The following NUP153 variants were observed in gnomAD, a reference collection of about 807,000 sequenced individuals.
NUP153 encodes nuclear pore complex protein Nup153.
In NUP153, 27 loss-of-function variants were observed where a neutral mutation model predicts 134.6. The ratio of observed to expected loss-of-function variants is 0.20; its 90% confidence interval spans 0.15 to 0.28. The LOEUF is 0.28. NUP153 is among the 10% of genes least tolerant of loss of function. The pLI is 1.00. For synonymous variants in NUP153, 640 were observed against 623.5 expected, an observed-to-expected ratio of 1.03 and a Z score of -0.40; for missense variants, 1,821 against 1,731.3, an observed-to-expected ratio of 1.05 and a Z score of -0.92.
Position 17,624,763 on chromosome 6 carries a change from G to T in NUP153, c.3972C>A (p.Thr1324=). 1 of 1,614,146 alleles carries T rather than the reference G, an allele frequency of 6.2e-7. No individual in the cohort carries two copies. The highest frequency in any genetic ancestry group is 8.5e-7 in the Non-Finnish European group (1 of 1,180,010). The part of the protein sequence containing the change: ...SASPAFGANQ[T]PTFGQSQGAS... ...CACCTTGACTTTGTCCAAATGTTGG[G>T]GTCTGGTTAGCACCAAATGCTGGAC... The change falls in exon 20 of 22, where the codon ACC becomes ACA. Residue 1324 remains threonine, a synonymous_variant. Transcript: ENST00000262077.
At chr6:17,620,409 A>G (rs1386759653) in intron 20 of NUP153, among the ~76,000 whole-genome samples, 1 of 152,230 alleles carries the variant, frequency 6.6e-6, no homozygotes, top group Non-Finnish European at 1.5e-5. Context: ...TACTCTCTTC[A>G]GTAAATGGTG....
At chr6:17,635,104 C>CTTTTTTTT (rs59700511) in intron 16 of NUP153, among the ~76,000 whole-genome samples, 3 of 104,262 alleles carry the variant, frequency 2.9e-5, no homozygotes, top group African/African-American at 3.9e-5. Context: ...CTTGGCTTAT[C>CTTTTTTTT]TTTTTTTTTT....
chr6:17,670,427 C>T (rs1767833195), intron 5 of NUP153, among the ~76,000 whole-genome samples: 1 of 152,032 alleles, frequency 6.6e-6, no homozygotes, highest in African/African-American at 2.4e-5. Context: ...GTTGTGGTGG[C>T]TTTTTTTGTA....
chr6:17,660,974 C>G (rs936284630), intron 11 of NUP153, among the ~76,000 whole-genome samples: 2 of 152,060 alleles, frequency 1.3e-5, no homozygotes, highest in Non-Finnish European at 2.9e-5. Flanking sequence ...AAAAAACTTA[C>G]AGTTACCTTT....
intron 11 of NUP153, among the ~76,000 whole-genome samples, chr6:17,656,022 T>C (rs1055789287): frequency 2.6e-5 from 4 of 152,092 alleles, no homozygotes; most frequent in Non-Finnish European, 5.9e-5. Flanking sequence ...CTGGCCAACA[T>C]GGTGAAACCC....
intron 8 of NUP153, 119 bp from the exon 9 acceptor site, chr6:17,665,504 A>C: frequency 1.4e-6 from 1 of 724,368 alleles, no homozygotes; most frequent in Non-Finnish European, 2.2e-6. Context: ...AGAAATATAC[A>C]GTAGATACAA....
chr6:17,686,462 C>A (rs893950640), intron 2 of NUP153, among the ~76,000 whole-genome samples: 3 of 150,328 alleles, frequency 2.0e-5, no homozygotes, highest in African/African-American at 7.3e-5. Flanking sequence ...GTGGTGCGAT[C>A]TCGGCTCACT....
chr6:17,665,850 A>C (rs771381948), intron 8 of NUP153, among the ~76,000 whole-genome samples: 1 of 151,684 alleles, frequency 6.6e-6, no homozygotes, highest in Non-Finnish European at 1.5e-5. Flanking sequence ...ACACCCGGCT[A>C]ATTTTTTTGG....
intron 1 of NUP153, among the ~76,000 whole-genome samples, chr6:17,693,541 G>T (rs1236547269): frequency 6.6e-6 from 1 of 152,148 alleles, no homozygotes; most frequent in South Asian, 2.1e-4. Flanking sequence ...TTGCTATCTT[G>T]TATTTATTCC....
intron 1 of NUP153, among the ~76,000 whole-genome samples, chr6:17,700,977 C>T (rs1308445156): frequency 6.6e-6 from 1 of 151,964 alleles, no homozygotes; most frequent in Admixed American, 6.6e-5. Context: ...CCCAGCACTT[C>T]GCGGGAGGCC....
intron 13 of NUP153, 146 bp from the exon 14 acceptor site, chr6:17,646,300 C>T (rs1039081891): frequency 2.2e-5 from 10 of 447,686 alleles, no homozygotes; most frequent in African/African-American, 8.2e-5. Context: ...CTCCGCCTCC[C>T]GGGTTCACGC....
chr6:17,615,566 ATCAGGCTTCCTC>A lies in NUP153; in HGVS notation c.*519_*530del, dbSNP rs1290720306. On this transcript the variant is annotated 3_prime_UTR_variant, in exon 22 of 22. Transcript: ENST00000262077. This position sits in a 1 kb window ranked among gnomAD's most constrained non-coding sequence, Gnocchi z 5.7. ...AGTCCTTAGCACGGACCATTCTTTA[ATCAGGCTTCCTC>A]TATCAGAAAAGTTTAGCGCACAATA... is the stretch of plus-strand genomic sequence containing the variant. 6.5e-6 allele frequency: 1 copy of A among 152,718 alleles called. No individual in the cohort carries two copies. Among genetic ancestry groups the A allele is most frequent in the Non-Finnish European group, 1.5e-5 (1 of 68,088 alleles). 9.5% of individuals were successfully genotyped at this position (152,718 alleles called of 1,614,324 possible). A position where few individuals can be genotyped will look rare whatever the true frequency, so the allele number is the denominator to read the frequency against.
Position 17,632,861 on chromosome 6 carries a change from A to C in NUP153, c.2465-17T>G, listed in dbSNP as rs767536071. On this transcript the variant is annotated splice_polypyrimidine_tract_variant and intron_variant, in intron 16 of 21. Transcript: ENST00000262077. ...CTGAACTTCCTAAAAAAAAAAAAAA[A>C]AACGGGGAGTGGGGGGAGATTTCAT... is the stretch of plus-strand genomic sequence containing the variant. The C allele has an allele frequency of 6.5e-6, 10 of 1,536,168 alleles. No individual in the cohort carries two copies. The highest frequency in any genetic ancestry group is 3.7e-5 in the South Asian group (3 of 80,622).
At position 17,662,062 on chromosome 6, in the gene NUP153, A is replaced by G; in HGVS notation, c.1224T>C (p.Tyr408=). Residue 408 remains tyrosine, a synonymous_variant, in exon 10 of 22, where the codon TAT becomes TAC. Transcript: ENST00000262077. ...QRIDNKCSTG[Y]EKNMTPGQNR... ...TTTGTCCGGGTGTCATATTTTTTTC[A>G]TATCCAGTCTGCAGGGGAAATACAC... 2 of 1,612,602 alleles carry G rather than the reference A, an allele frequency of 1.2e-6. No homozygotes were observed. The highest frequency in any genetic ancestry group is 1.7e-6 in the Non-Finnish European group (2 of 1,179,314).
intron 1 of NUP153, among the ~76,000 whole-genome samples, chr6:17,689,559 G>A (rs1281916851): frequency 2.7e-5 from 4 of 146,946 alleles, no homozygotes; most frequent in South Asian, 2.1e-4. Flanking sequence ...TTTTTGAGAC[G>A]GAGTTTCACT....
intron 9 of NUP153, among the ~76,000 whole-genome samples, chr6:17,662,906 T>C (rs922594130): frequency 1.3e-5 from 2 of 152,118 alleles, no homozygotes; most frequent in South Asian, 2.1e-4. Flanking sequence ...ATTATCAATA[T>C]TGTGAAACAC....
chr6:17,617,007 C>T (rs935531055), intron 20 of NUP153, among the ~76,000 whole-genome samples: 1 of 152,178 alleles, frequency 6.6e-6, no homozygotes, highest in African/African-American at 2.4e-5. Context: ...ACCTCGGCCT[C>T]CCAAAGTGCT....
intron 11 of NUP153, among the ~76,000 whole-genome samples, chr6:17,659,211 C>A (rs1323680066): frequency 6.6e-6 from 1 of 152,256 alleles, no homozygotes; most frequent in African/African-American, 2.4e-5. Flanking sequence ...GAAAACACTT[C>A]CGCAACAGCG....
intron 2 of NUP153, among the ~76,000 whole-genome samples, chr6:17,683,675 G>A (rs1177997409): frequency 6.6e-6 from 1 of 152,108 alleles, no homozygotes; most frequent in Non-Finnish European, 1.5e-5. Flanking sequence ...CTTTGATATG[G>A]TAAATAAGCA....
Sources: allele counts gnomAD v4.1 joint callset (sites outside exome capture counted in the v4.1 genomes callset), GRCh38; gene constraint gnomAD v4.1.1; non-coding constraint Gnocchi (gnomAD v3.1); transcripts MANE v1.5; gene names NCBI Gene and HGNC (gene_info 2026-07-23, HGNC 2026-07-21).